Variants in RALGAPA2 observed in about 807,000 individuals in gnomAD.
The protein encoded by RALGAPA2 is ral GTPase-activating protein subunit alpha-2.
Under a neutral mutation model 230.4 loss-of-function variants are expected in RALGAPA2, and 139 were observed. The observed-to-expected ratio is 0.60, with a 90% CI of 0.53 to 0.69. RALGAPA2 has a LOEUF of 0.69. Ranked by LOEUF, RALGAPA2 falls within the 30% of genes least tolerant of loss-of-function variation. The pLI is 0.00. For missense variants in RALGAPA2, 2,163 were observed against 2,276.0 expected (o/e 0.95, Z 1.01); for synonymous variants, 847 against 837.8 (o/e 1.01, Z -0.19).
At chr20:20,660,213 G>A (rs543857648) in intron 3 of RALGAPA2, among the ~76,000 whole-genome samples, 5 of 150,332 alleles carry the variant, frequency 3.3e-5, no homozygotes, top group African/African-American at 9.8e-5. Context: ...GGGCAACAGA[G>A]CAAGACTCTG....
At chr20:20,615,228 C>T (rs150324545) in intron 13 of RALGAPA2, among the ~76,000 whole-genome samples, 147 of 151,088 alleles carry the variant, frequency 9.7e-4, no homozygotes, top group African/African-American at 3.4e-3. Context: ...TGCAGTGGCG[C>T]AATCTCACTG....
chr20:20,679,679 T>G (rs1297344134), intron 2 of RALGAPA2, among the ~76,000 whole-genome samples: 1 of 151,998 alleles, frequency 6.6e-6, no homozygotes, highest in African/African-American at 2.4e-5. Flanking sequence ...TGTTCTCCCC[T>G]CCAGCAGCAG....
intron 39 of RALGAPA2, among the ~76,000 whole-genome samples, chr20:20,394,648 C>T (rs1220268336): frequency 6.6e-6 from 1 of 151,520 alleles, no homozygotes; most frequent in Non-Finnish European, 1.5e-5. Flanking sequence ...AAACACCACA[C>T]ATGAAAAACC....
At chr20:20,515,278 T>C (rs1569456897) in intron 31 of RALGAPA2, among the ~76,000 whole-genome samples, 1 of 152,276 alleles carries the variant, frequency 6.6e-6, no homozygotes, top group East Asian at 1.9e-4. Context: ...CAGAAGTGCA[T>C]AGGGCTATAG....
intron 3 of RALGAPA2, among the ~76,000 whole-genome samples, chr20:20,667,437 C>G (rs554220937): frequency 2.6e-5 from 4 of 152,312 alleles, no homozygotes; most frequent in African/African-American, 9.6e-5. Context: ...TGAGTCCAGC[C>G]ATCCAATCCA....
rs574155159 is a variant in RALGAPA2 at position 20,480,277 on chromosome 20, A to G, written c.5368-7321T>C. Among the ~76,000 whole-genome samples the G allele has an allele frequency of 3.3e-5, 5 of 152,338 alleles. No homozygotes were observed. In the East Asian group the frequency reaches 9.7e-4, roughly 29 times the overall value. On this transcript the variant is annotated intron_variant, in intron 36 of 39. Coordinates refer to ENST00000202677, the MANE Select transcript of RALGAPA2 (RefSeq NM_020343.4). ...CTGGGTAGGGACTTGCCTTACAGCA[A>G]GATATATCCCAACCTGTGGTAAGAA...
At chr20:20,677,886 T>G (rs958028720) in intron 2 of RALGAPA2, among the ~76,000 whole-genome samples, 4 of 151,932 alleles carry the variant, frequency 2.6e-5, no homozygotes, top group Admixed American at 6.6e-5. Context: ...GACCTCGTGA[T>G]CTGCCCTCCT....
At chr20:20,425,810 G>C (rs1332885005) in intron 37 of RALGAPA2, among the ~76,000 whole-genome samples, 1 of 152,200 alleles carries the variant, frequency 6.6e-6, no homozygotes, top group Non-Finnish European at 1.5e-5. Context: ...CTGGAAATTT[G>C]GGGGAATTCT....
chr20:20,522,585 A>C (rs2063077487), intron 30 of RALGAPA2, among the ~76,000 whole-genome samples: 1 of 152,190 alleles, frequency 6.6e-6, no homozygotes, highest in Non-Finnish European at 1.5e-5. Context: ...GGCACAGAGA[A>C]GGCTTCCAGG....
intron 36 of RALGAPA2, among the ~76,000 whole-genome samples, chr20:20,485,847 A>C (rs2061896326): frequency 6.6e-6 from 1 of 152,180 alleles, no homozygotes; most frequent in Non-Finnish European, 1.5e-5. Flanking sequence ...ATCAATTAAG[A>C]ATAAGAAAAG....
chr20:20,601,626 T>C lies in RALGAPA2; in HGVS notation c.2203+56A>G, dbSNP rs914831928. 8 of 1,560,656 alleles carry C rather than the reference T, an allele frequency of 5.1e-6. No individual in the cohort carries two copies. In the African/African-American group the frequency reaches 1.1e-4, roughly 21 times the overall value. ...GAATTTTTAACACACTTTATGCCTA[T>C]AAATTTATTTTAGATAACAATTAGA... is the stretch of plus-strand genomic sequence containing the variant. On this transcript the variant is annotated intron_variant, in intron 16 of 39. Coordinates refer to ENST00000202677, the MANE Select transcript of RALGAPA2 (RefSeq NM_020343.4).
chr20:20,443,636 G>A (rs900142940), intron 37 of RALGAPA2, among the ~76,000 whole-genome samples: 1 of 152,202 alleles, frequency 6.6e-6, no homozygotes, highest in African/African-American at 2.4e-5. Context: ...CTCATAAGGT[G>A]GAGTCCAGCT....
rs775802216 is a variant in RALGAPA2, at chr20:20,571,489, A to C, written c.3125T>G (p.Val1042Gly). The change falls in exon 23 of 40, where the codon GTG becomes GGG. Residue 1042 changes from valine (V) to glycine (G), a missense_variant. Transcript: ENST00000202677. ...CTCGCTGGTTAATCCCAGGTGCATC[A>C]CAAGGTAAAAATGCACCAGGAAATC... ...NSDFLVHFYL[V>G]MHLGLTSEDQ... The C allele has an allele frequency of 6.2e-7, 1 of 1,612,754 alleles. No individual in the cohort carries two copies. The highest frequency in any genetic ancestry group is 1.7e-5 in the Admixed American group (1 of 59,884).
At chr20:20,638,639 C>T (rs552403266) in intron 7 of RALGAPA2, among the ~76,000 whole-genome samples, 110 of 152,316 alleles carry the variant, frequency 7.2e-4, no homozygotes, top group Non-Finnish European at 1.4e-3. Context: ...GTTCTGGATA[C>T]TCTGTTGATT....
intron 4 of RALGAPA2, among the ~76,000 whole-genome samples, chr20:20,652,963 G>A (rs543824071): frequency 2.0e-5 from 3 of 152,078 alleles, no homozygotes; most frequent in African/African-American, 2.4e-5. Flanking sequence ...AAGCCAAGGC[G>A]GGTGGATCGC....
At chr20:20,457,491 T>C (rs1313719033) in intron 37 of RALGAPA2, among the ~76,000 whole-genome samples, 1 of 152,214 alleles carries the variant, frequency 6.6e-6, no homozygotes, top group Non-Finnish European at 1.5e-5. Flanking sequence ...TGGTGACCTT[T>C]TCTGTGATGA....
chr20:20,500,413 T>C lies in RALGAPA2; in HGVS notation c.5208+2938A>G, dbSNP rs118102992. Among the ~76,000 whole-genome samples, 103 of 152,352 alleles carry C rather than the reference T, an allele frequency of 6.8e-4. No homozygotes were observed. In the East Asian group the frequency reaches 0.013, roughly 19 times the overall value. On this transcript the variant is annotated intron_variant, in intron 35 of 39. Transcript: ENST00000202677. ...TTTGTTGTAATTTCAACAATGTTCA[T>C]AGCATCATCACTGAGAACAGATTCC...
In RALGAPA2 at chr20:20,571,971, A is replaced by T. The variant is rs769117235; in HGVS notation, c.2902-25T>A. ...TCTAATTCACAAAGAGGAGAATTTTAGGGTAGGTAACATTACGTTTATCCC... is the reference window on the plus strand; with the variant it reads ...TCTAATTCACAAAGAGGAGAATTTTTGGGTAGGTAACATTACGTTTATCCC... On this transcript the variant is annotated intron_variant, in intron 21 of 39. Coordinates refer to ENST00000202677, the MANE Select transcript of RALGAPA2 (RefSeq NM_020343.4). 2.0e-6 allele frequency: 3 copies of T among 1,506,308 alleles called. No individual in the cohort carries two copies. In the African/African-American group the frequency reaches 4.1e-5, roughly 21 times the overall value. 93.3% of individuals were successfully genotyped at this position (1,506,308 alleles called of 1,614,324 possible).
intron 3 of RALGAPA2, among the ~76,000 whole-genome samples, chr20:20,672,113 A>G (rs2068156840): frequency 6.6e-6 from 1 of 152,176 alleles, no homozygotes; most frequent in Admixed American, 6.6e-5. Flanking sequence ...AGTTTAGGGA[A>G]CTGAACCTGA....
Sources: gnomAD v4.1 joint callset for allele counts (sites outside exome capture counted in the v4.1 genomes callset) on GRCh38, gnomAD v4.1.1 for gene constraint, MANE v1.5 for transcripts, NCBI Gene and HGNC (gene_info 2026-07-23, HGNC 2026-07-21) for gene names.